ACTR3B: variants seen among roughly 807,000 people sequenced by gnomAD.
The protein encoded by ACTR3B is actin-related protein 3B.
ACTR3B carries 8 observed loss-of-function variants against 59.0 expected under a neutral mutation model. The observed-to-expected ratio is 0.14, with a 90% CI of 0.08 to 0.24. The LOEUF (loss-of-function observed/expected upper bound fraction) is 0.24. Ranked by LOEUF, ACTR3B falls within the 10% of genes least tolerant of loss-of-function variation. The probability of loss-of-function intolerance (pLI) is 1.00; values close to 1 mark genes in which losing one functional copy is unlikely to be tolerated. For missense variants in ACTR3B, 245 were observed against 552.3 expected (o/e 0.44, Z 5.58); for synonymous variants, 148 against 197.9 (o/e 0.75, Z 2.12).
chr7:152,776,459 G>A (rs2098136484), intron 1 of ACTR3B, among the ~76,000 whole-genome samples: 2 of 151,866 alleles, frequency 1.3e-5, no homozygotes, highest in South Asian at 2.1e-4. Flanking sequence ...GGAAAAATTA[G>A]CAATGTAATG....
At chr7:152,777,692 C>T (rs1435484031) in intron 1 of ACTR3B, among the ~76,000 whole-genome samples, 6 of 152,168 alleles carry the variant, frequency 3.9e-5, no homozygotes, top group African/African-American at 1.2e-4. Flanking sequence ...CGGTGGCTCA[C>T]GCCTGCAATC....
chr7:152,821,596 C>T (rs1796163198), intron 7 of ACTR3B, among the ~76,000 whole-genome samples: 1 of 152,234 alleles, frequency 6.6e-6, no homozygotes, highest in South Asian at 2.1e-4. Flanking sequence ...TTTCCTGACC[C>T]TCATGCTGGG....
chr7:152,795,669 C>T (rs917910922), intron 2 of ACTR3B, among the ~76,000 whole-genome samples: 7 of 152,100 alleles, frequency 4.6e-5, no homozygotes, highest in Admixed American at 1.3e-4. Context: ...GCTGAAAAAC[C>T]AATATATCCA....
At chr7:152,825,387 CTA>C (rs1796489578) in intron 9 of ACTR3B, among the ~76,000 whole-genome samples, 1 of 152,196 alleles carries the variant, frequency 6.6e-6, no homozygotes, top group African/African-American at 2.4e-5. Context: ...TCTCAGCTCA[CTA>C]TAACCTCCAC....
chr7:152,853,002 A>G (rs1229695135), intron 10 of ACTR3B, among the ~76,000 whole-genome samples: 1 of 152,080 alleles, frequency 6.6e-6, no homozygotes, highest in Non-Finnish European at 1.5e-5. Context: ...CGTGTTAGCC[A>G]GGATGGTCTC....
intron 1 of ACTR3B, among the ~76,000 whole-genome samples, chr7:152,782,924 T>G (rs1211900578): frequency 6.6e-6 from 1 of 152,166 alleles, no homozygotes; most frequent in African/African-American, 2.4e-5. Flanking sequence ...GATGCATAAA[T>G]GTAATTTATA....
intron 7 of ACTR3B, among the ~76,000 whole-genome samples, chr7:152,821,079 G>A (rs180684636): frequency 0.023 from 3,428 of 151,752 alleles, 49 homozygotes; most frequent in African/African-American, 0.077. Context: ...CTGCAGTTGG[G>A]TATGACCTGC....
rs184681038 is a variant in ACTR3B, at chr7:152,837,603, C to A, written c.951+12481C>A. ...TCTGTTCTCTCCTGATCCCGCCCCT[C>A]AGCTGCTCGGGGGACATCTCCTTGT... On this transcript the variant is annotated intron_variant, in intron 9 of 11. Coordinates refer to ENST00000256001, the MANE Select transcript of ACTR3B (RefSeq NM_020445.6). 2.6e-5 allele frequency among the ~76,000 whole-genome samples: 4 copies of A among 152,382 alleles called. No individual in the cohort carries two copies. In the East Asian group the frequency reaches 5.8e-4, roughly 22 times the overall value.
intron 9 of ACTR3B, among the ~76,000 whole-genome samples, chr7:152,837,185 C>T (rs1976867): frequency 6.6e-6 from 1 of 151,718 alleles, no homozygotes; most frequent in Admixed American, 6.6e-5. Flanking sequence ...CAAAAAAAAA[C>T]AAACAAACCA....
intron 2 of ACTR3B, chr7:152,786,445 C>T (rs4726204): frequency 9.5e-6 from 2 of 209,508 alleles, no homozygotes; most frequent in Non-Finnish European, 1.0e-5. Flanking sequence ...CTCAGCTACT[C>T]GTGAGGCTGA....
At chr7:152,806,674 G>A (rs1412464587) in intron 4 of ACTR3B, among the ~76,000 whole-genome samples, 1 of 152,172 alleles carries the variant, frequency 6.6e-6, no homozygotes, top group Non-Finnish European at 1.5e-5. Context: ...CAGGAGGCAA[G>A]TCTACTACTT....
chr7:152,794,904 T>C (rs1445647122), intron 2 of ACTR3B, among the ~76,000 whole-genome samples: 3 of 152,184 alleles, frequency 2.0e-5, no homozygotes, highest in Non-Finnish European at 4.4e-5. Flanking sequence ...TTTGAGACTT[T>C]AAATGTGGCA....
At chr7:152,844,202 T>G (rs1481488835) in intron 9 of ACTR3B, among the ~76,000 whole-genome samples, 1 of 151,992 alleles carries the variant, frequency 6.6e-6, no homozygotes. Context: ...GGATTACAGG[T>G]GCATGCCACC....
At chr7:152,831,259 G>A (rs1260865533) in intron 9 of ACTR3B, among the ~76,000 whole-genome samples, 1 of 152,248 alleles carries the variant, frequency 6.6e-6, no homozygotes. Flanking sequence ...GTGGAGATGT[G>A]GATGGCGGAG....
chr7:152,821,090 C>G (rs1277740020), intron 7 of ACTR3B, among the ~76,000 whole-genome samples: 2 of 152,146 alleles, frequency 1.3e-5, no homozygotes, highest in African/African-American at 4.8e-5. Flanking sequence ...TATGACCTGC[C>G]CTGCTTTACC....
rs533894895 is a variant in ACTR3B, at chr7:152,825,563, C to T, written c.951+441C>T. Among the ~76,000 whole-genome samples, 18 of 152,220 alleles carry T rather than the reference C, an allele frequency of 1.2e-4. No individual in the cohort carries two copies. The South Asian group carries it at 2.5e-3, about 21-fold the overall frequency. On this transcript the variant is annotated intron_variant, in intron 9 of 11. Transcript: ENST00000256001. ...AACTCCTGAGCTCAGGCAATCCACC[C>T]GCCTTGGCCTCCCAAAGTGCTGGGA... is the stretch of plus-strand genomic sequence containing the variant.
chr7:152,829,004 A>G (rs917134216), intron 9 of ACTR3B, among the ~76,000 whole-genome samples: 3 of 151,810 alleles, frequency 2.0e-5, no homozygotes, highest in Admixed American at 6.6e-5. Flanking sequence ...TAATAGGTAT[A>G]TTTTTGAGGT....
At chr7:152,768,057 C>G (rs548692732) in intron 1 of ACTR3B, among the ~76,000 whole-genome samples, 1 of 152,110 alleles carries the variant, frequency 6.6e-6, no homozygotes, top group African/African-American at 2.4e-5. Context: ...CCTGTCTCTT[C>G]TAAAAATACA....
At chr7:152,771,256 G>C (rs2098123261) in intron 1 of ACTR3B, among the ~76,000 whole-genome samples, 1 of 152,062 alleles carries the variant, frequency 6.6e-6, no homozygotes. Flanking sequence ...TGCCTGGCTA[G>C]AATGGAATTT....
Sources: gnomAD v4.1 joint callset for allele counts (sites outside exome capture counted in the v4.1 genomes callset) on GRCh38, gnomAD v4.1.1 for gene constraint, MANE v1.5 for transcripts, NCBI Gene and HGNC (gene_info 2026-07-23, HGNC 2026-07-21) for gene names.